EIF4G1: variants seen among roughly 807,000 people sequenced by gnomAD.
EIF4G1 encodes the protein eukaryotic translation initiation factor 4 gamma 1.
Under a neutral mutation model 187.8 loss-of-function variants are expected in EIF4G1, and 4 were observed. The observed-to-expected ratio is 0.02, with a 90% CI of 0.01 to 0.05. The LOEUF (loss-of-function observed/expected upper bound fraction) is 0.05. EIF4G1 is among the 10% of genes least tolerant of loss of function. EIF4G1 has a pLI of 1.00. For missense variants in EIF4G1, 1,647 were observed against 2,081.1 expected (o/e 0.79, Z 4.06); for synonymous variants, 844 against 781.4 (o/e 1.08, Z -1.34).
At chr3:184,329,160 TC>T (rs1725539380) in intron 28 of EIF4G1, 170 bp downstream of exon 28, 1 of 753,706 alleles carries the variant, frequency 1.3e-6, no homozygotes, top group Non-Finnish European at 2.2e-6. Flanking sequence ...GCACACCAGT[TC>T]CTATCATGAG....
chr3:184,321,367 G>C lies in EIF4G1; in HGVS notation c.783G>C (p.Ser261=). Reference sequence around the variant, plus strand: ...GCCCTTCAGAATCCCAGCCTTCGTCGCCTTCTCCGACCCCATCACCATCCC... The same window carrying C: ...GCCCTTCAGAATCCCAGCCTTCGTCCCCTTCTCCGACCCCATCACCATCCC... The part of the protein sequence containing the change: ...EHSPSESQPS[S]PSPTPSPSPV... The change falls in exon 10 of 33, where the codon TCG becomes TCC. Residue 261 remains serine, a synonymous_variant. Transcript: ENST00000346169. 1 of 1,614,072 alleles carries C rather than the reference G, an allele frequency of 6.2e-7. No individual in the cohort carries two copies. Among genetic ancestry groups the C allele is most frequent in the Non-Finnish European group, 8.5e-7 (1 of 1,180,022 alleles).
Position 184,334,597 on chromosome 3 carries a change from T to C in EIF4G1, c.4619-130T>C, listed in dbSNP as rs1363934486. 4.3e-5 allele frequency: 46 copies of C among 1,074,906 alleles called. No individual in the cohort carries two copies. Among genetic ancestry groups the C allele is most frequent in the Non-Finnish European group, 8.4e-6 (6 of 713,212 alleles). 66.6% of individuals were successfully genotyped at this position (1,074,906 alleles called of 1,614,324 possible). On this transcript the variant is annotated intron_variant, in intron 32 of 32. Transcript: ENST00000346169. This position sits in a 1 kb window ranked among gnomAD's most constrained non-coding sequence, Gnocchi z 5.8. ...CATCCTGTCAGAGGCCTAGTCACTC[T>C]GGAATGGCCACAAATGTCAGGCTGG... is the stretch of plus-strand genomic sequence containing the variant.
chr3:184,316,022 T>C (rs1722716181), intron 3 of EIF4G1, 110 bp from the exon 4 acceptor site: 1 of 1,549,270 alleles, frequency 6.5e-7, no homozygotes. Context: ...GGAGGGGGTA[T>C]GTGGATTGTT....
At chr3:184,329,832 A>G (rs1725686706) in intron 28 of EIF4G1, among the ~76,000 whole-genome samples, 1 of 152,132 alleles carries the variant, frequency 6.6e-6, no homozygotes, top group African/African-American at 2.4e-5. Flanking sequence ...AGAGATGGGG[A>G]AAGGTAAGTT....
chr3:184,334,421 G>A lies in EIF4G1; in HGVS notation c.4619-306G>A, dbSNP rs1265892901. On this transcript the variant is annotated intron_variant, in intron 32 of 32. Transcript: ENST00000346169. The surrounding 1 kb of genome is among the most constrained non-coding windows in gnomAD (Gnocchi z 5.8). Reference sequence around the variant, plus strand: ...GACTTTTAGCGATTTCCTGAATTCAGGAGTACCAATTCTGAATATAGTTTT... The same window carrying A: ...GACTTTTAGCGATTTCCTGAATTCAAGAGTACCAATTCTGAATATAGTTTT... Among the ~76,000 whole-genome samples the A allele has an allele frequency of 1.3e-5, 2 of 152,184 alleles. No individual in the cohort carries two copies. Among genetic ancestry groups the A allele is most frequent in the Non-Finnish European group, 2.9e-5 (2 of 68,028 alleles).
At position 184,315,823 on chromosome 3, in the gene EIF4G1, C is replaced by G; in HGVS notation, c.27C>G (p.Gly9=). 1 of 1,550,432 alleles carries G rather than the reference C, an allele frequency of 6.4e-7. No homozygotes were observed. Among genetic ancestry groups the G allele is most frequent in the Non-Finnish European group, 8.7e-7 (1 of 1,146,020 alleles). The stretch of plus-strand genomic sequence containing the variant: ...TGAACAAAGCTCCACAGTCCACAGG[C>G]CCCCCACCCGCCCCATCCCCCGGAC... The part of the protein sequence containing the change: MNKAPQST[G]PPPAPSPGLP... The change falls in exon 3 of 33, where the codon GGC becomes GGG. Residue 9 remains glycine (G), a synonymous_variant. Coordinates refer to ENST00000346169, the MANE Select transcript of EIF4G1 (RefSeq NM_198241.3).
chr3:184,326,762 T>G, intron 22 of EIF4G1, 119 bp from the exon 23 acceptor site: 1 of 1,496,820 alleles, frequency 6.7e-7, no homozygotes, highest in Non-Finnish European at 9.3e-7. Context: ...TGTGTTGTGG[T>G]TCCAGGGATT....
Position 184,334,348 on chromosome 3 carries a change from C to G in EIF4G1, c.4619-379C>G, listed in dbSNP as rs1726725864. 6.6e-6 allele frequency among the ~76,000 whole-genome samples: 1 copy of G among 152,072 alleles called. No individual in the cohort carries two copies. The highest frequency in any genetic ancestry group is 1.9e-4 in the East Asian group (1 of 5,188). ...ATCTGTTTGGGGGGCAGTGAATGTT[C>G]AGGTTACATGTAGGATATATATAGG... On this transcript the variant is annotated intron_variant, in intron 32 of 32. Transcript: ENST00000346169. The surrounding 1 kb of genome is among the most constrained non-coding windows in gnomAD (Gnocchi z 5.8).
At position 184,319,426 on chromosome 3, in the gene EIF4G1, GGTGTGTGTGTGT is replaced by G. The variant is rs1168140244; in HGVS notation, c.425-234_425-223del. Among the ~76,000 whole-genome samples the G allele has an allele frequency of 7.9e-4, 89 of 112,964 alleles. No individual in the cohort carries two copies. In the East Asian group the frequency reaches 8.0e-3, roughly 10 times the overall value. The allele number at this position is 112,964 out of a possible 152,430, so 74.1% of individuals were successfully genotyped here. On this transcript the variant is annotated intron_variant, in intron 6 of 32. Coordinates refer to ENST00000346169, the MANE Select transcript of EIF4G1 (RefSeq NM_198241.3). ...TAGGAAAGAGTGCCTGCCTACGAGG[GGTGTGTGTGTGT>G]GTGTGTGTGTGTGTGTGTGTGTGTG...
chr3:184,314,681 C>T lies in EIF4G1; in HGVS notation c.-92+7C>T, dbSNP rs1433367169. 2.0e-5 allele frequency: 3 copies of T among 151,642 alleles called. No individual in the cohort carries two copies. Among genetic ancestry groups the T allele is most frequent in the Non-Finnish European group, 2.9e-5 (2 of 67,826 alleles). The allele number at this position is 151,642 out of a possible 1,614,324, so 9.4% of individuals were successfully genotyped here. A position where few individuals can be genotyped will look rare whatever the true frequency, so the allele number is the denominator to read the frequency against. ...GGACTGAAGGAGACTGAAGGTAAAG[C>T]CGCCATGTCCGGGCCCGACCCGGCC... On this transcript the variant is annotated splice_region_variant and intron_variant, in intron 1 of 32. Coordinates refer to ENST00000346169, the MANE Select transcript of EIF4G1 (RefSeq NM_198241.3).
In EIF4G1 at chr3:184,320,819, T is replaced by C. The variant is rs764508168; in HGVS notation, c.630+97T>C. 8 of 1,604,214 alleles carry C rather than the reference T, an allele frequency of 5.0e-6. No homozygotes were observed. The Admixed American group carries it at 1.4e-4, about 27-fold the overall frequency. On this transcript the variant is annotated intron_variant, in intron 8 of 32. Transcript: ENST00000346169. ...CTTTTCTTTCAACTAAGGGATTTAT[T>C]TCCCTGCTTTCCTGGATTTCTAGGC...
rs1209055550 is a variant in EIF4G1 at position 184,324,897 on chromosome 3, T to A, written c.2639T>A (p.Leu880Gln). The A allele has an allele frequency of 6.2e-7, 1 of 1,614,050 alleles. No individual in the cohort carries two copies. Among genetic ancestry groups the A allele is most frequent in the Non-Finnish European group, 8.5e-7 (1 of 1,180,032 alleles). Residue 880 changes from leucine to glutamine, a missense_variant, in exon 18 of 33, where the codon CTG becomes CAG. This residue lies in a region of EIF4G1 where 40 missense variants were observed against 42.2 expected (regional missense o/e 0.95). Coordinates refer to ENST00000346169, the MANE Select transcript of EIF4G1 (RefSeq NM_198241.3). ...TGGCAGGCAGAGGAACGAGGACGCC[T>A]GAAGGAAGAGCTGGAAGAGGCTCGG... ...EAATAEERGR[L>Q]KEELEEARDI...
At chr3:184,317,285 C>A in intron 4 of EIF4G1, 36 bp from the exon 5 acceptor site, 1 of 1,612,988 alleles carries the variant, frequency 6.2e-7, no homozygotes. Flanking sequence ...ACTTCCTTCT[C>A]TTTACAATGC....
intron 28 of EIF4G1, among the ~76,000 whole-genome samples, chr3:184,330,653 G>T (rs1034007312): frequency 1.3e-5 from 2 of 152,114 alleles, no homozygotes; most frequent in African/African-American, 2.4e-5. Context: ...ATACTTGTTA[G>T]AAGTTGTCCC....
chr3:184,317,521 A>G, intron 5 of EIF4G1, 24 bp downstream of exon 5: 2 of 1,613,672 alleles, frequency 1.2e-6, no homozygotes, highest in Non-Finnish European at 1.7e-6. Flanking sequence ...CTTGGAGCCT[A>G]GAAGCCACAG....
intron 28 of EIF4G1, 49 bp downstream of exon 28, chr3:184,329,039 G>A (rs759849692): frequency 2.2e-5 from 36 of 1,606,300 alleles, no homozygotes; most frequent in Non-Finnish European, 3.0e-5. Flanking sequence ...TGTGGTTTTG[G>A]CTGTTTGCTG....
Position 184,315,245 on chromosome 3 carries a change from C to T in EIF4G1, c.-91-244C>T, listed in dbSNP as rs1722537271. On this transcript the variant is annotated intron_variant, in intron 1 of 32. Coordinates refer to ENST00000346169, the MANE Select transcript of EIF4G1 (RefSeq NM_198241.3). ...TGACTCCCGCCCTTCCTGGCCTACACTCCTGGGCGGCGGCAGGCCTAGCTT... is the reference window on the plus strand; with the variant it reads ...TGACTCCCGCCCTTCCTGGCCTACATTCCTGGGCGGCGGCAGGCCTAGCTT... 3.7e-5 allele frequency: 16 copies of T among 430,276 alleles called. 1 individual carries two copies. The highest frequency in any genetic ancestry group is 2.3e-4 in the South Asian group (14 of 60,848). The allele number at this position is 430,276 out of a possible 1,614,324, so 26.7% of individuals were successfully genotyped here.
intron 9 of EIF4G1, 82 bp from the exon 10 acceptor site, chr3:184,321,200 A>G (rs1723843507): frequency 6.3e-7 from 1 of 1,582,502 alleles, no homozygotes; most frequent in Non-Finnish European, 8.7e-7. Context: ...TAAGTTGGGA[A>G]TGCCTGGGCT....
At position 184,322,693 on chromosome 3, in the gene EIF4G1, C is replaced by T; in HGVS notation, c.1758C>T (p.Asn586=). 6.2e-7 allele frequency: 1 copy of T among 1,614,196 alleles called. No individual in the cohort carries two copies. The highest frequency in any genetic ancestry group is 8.5e-7 in the Non-Finnish European group (1 of 1,180,048). Residue 586 remains asparagine, a synonymous_variant, in exon 12 of 33, where the codon AAC becomes AAT. Coordinates refer to ENST00000346169, the MANE Select transcript of EIF4G1 (RefSeq NM_198241.3). The part of the protein sequence containing the change: ...SKEDKIHNAE[N]IQPGEQKYEY... ...AAGACAAAATTCACAATGCTGAGAA[C>T]ATCCAGCCCGGGGAACAGAAGTATG...
Sources: gnomAD v4.1 joint callset for allele counts (sites outside exome capture counted in the v4.1 genomes callset) on GRCh38, gnomAD v4.1.1 for gene constraint, gnomAD v4.1.1 regional missense constraint, Gnocchi (gnomAD v3.1) non-coding constraint, MANE v1.5 for transcripts, NCBI Gene and HGNC (gene_info 2026-07-23, HGNC 2026-07-21) for gene names.